Variants in CTSC observed in about 807,000 individuals in gnomAD.
The protein encoded by CTSC is dipeptidyl peptidase 1.
CTSC carries 37 observed loss-of-function variants against 40.9 expected under a neutral mutation model. The ratio of observed to expected loss-of-function variants is 0.91; its 90% CI spans 0.70 to 1.19. CTSC has a LOEUF of 1.19. Ranked by LOEUF, CTSC falls within the 50% of genes most tolerant of loss-of-function variation. CTSC has a pLI of 0.00. For missense variants in CTSC, 594 were observed against 567.3 expected (o/e 1.05, Z -0.48); for synonymous variants, 232 against 207.4 (o/e 1.12, Z -1.02).
intron 4 of CTSC, among the ~76,000 whole-genome samples, chr11:88,307,465 A>G (rs1937659644): frequency 6.6e-6 from 1 of 152,028 alleles, no homozygotes; most frequent in Non-Finnish European, 1.5e-5. Flanking sequence ...ATTATGATAT[A>G]ATTTCCCAAA....
intron 2 of CTSC, among the ~76,000 whole-genome samples, chr11:88,330,776 C>T (rs494627): frequency 0.43 from 65,948 of 152,026 alleles, 15,226 homozygotes; most frequent in Middle Eastern, 0.53. Flanking sequence ...ATATATGTAT[C>T]TCCATCCCTA....
chr11:88,310,028 A>G (rs1190192891), intron 3 of CTSC, among the ~76,000 whole-genome samples: 1 of 152,190 alleles, frequency 6.6e-6, no homozygotes, highest in East Asian at 1.9e-4. Flanking sequence ...TTATAACCAT[A>G]TGATACTAAA....
At chr11:88,320,567 T>C (rs1046669030) in intron 2 of CTSC, among the ~76,000 whole-genome samples, 1 of 152,244 alleles carries the variant, frequency 6.6e-6, no homozygotes, top group African/African-American at 2.4e-5. Flanking sequence ...TTTCCCTTGA[T>C]AGCTAATTTT....
At chr11:88,299,431 G>A (rs1356117848) in intron 5 of CTSC, 1 of 152,126 alleles carries the variant, frequency 6.6e-6, no homozygotes, top group African/African-American at 2.4e-5. Context: ...CTTTAGAGCT[G>A]AAGAGCCCAG....
intron 1 of CTSC, 86 bp downstream of exon 1, chr11:88,337,415 G>C (rs957449252): frequency 2.7e-5 from 37 of 1,349,618 alleles, no homozygotes; most frequent in Admixed American, 1.8e-4. Context: ...CGTCTGCCTG[G>C]GGGGAAGCGG....
rs1036509108 is a variant in CTSC at position 88,294,491 on chromosome 11, G to A, written c.907C>T (p.Pro303Ser). ...GCGTACTTTCCTGCAATAAGGTATG[G>A]GAAGCCGCCTTCACAGCCTGAAGAT... is the stretch of plus-strand genomic sequence containing the variant. ...QYAQGCEGGF[P>S]YLIAGKYAQD... Residue 303 changes from proline (P) to serine (S), a missense_variant, in exon 7 of 7, where the codon CCA becomes TCA. Pro to Ser is a moderately conservative substitution (Grantham distance 74). Transcript: ENST00000227266. The A allele has an allele frequency of 3.7e-6, 6 of 1,614,120 alleles. No individual in the cohort carries two copies. Among genetic ancestry groups the A allele is most frequent in the Admixed American group, 3.3e-5 (2 of 59,992 alleles).
At chr11:88,305,938 G>A (rs932504559) in intron 4 of CTSC, among the ~76,000 whole-genome samples, 3 of 152,172 alleles carry the variant, frequency 2.0e-5, no homozygotes. Context: ...CTAGGCTCAA[G>A]TGCTAACACT....
chr11:88,329,237 T>C (rs867654827), intron 2 of CTSC, among the ~76,000 whole-genome samples: 9 of 151,794 alleles, frequency 5.9e-5, no homozygotes, highest in Non-Finnish European at 1.3e-4. Flanking sequence ...ATCCCAGCAC[T>C]TGGGGAGGTC....
intron 2 of CTSC, among the ~76,000 whole-genome samples, chr11:88,318,632 G>A (rs1024094459): frequency 1.3e-5 from 2 of 152,198 alleles, no homozygotes; most frequent in African/African-American, 2.4e-5. Context: ...TTGGCCAGGC[G>A]CAGTGGCTCA....
intron 2 of CTSC, among the ~76,000 whole-genome samples, chr11:88,316,885 T>C (rs76828438): frequency 0.023 from 3,573 of 152,312 alleles, 152 homozygotes; most frequent in African/African-American, 0.081. Flanking sequence ...GCTTCCCTAT[T>C]TGTAATTTTA....
intron 2 of CTSC, chr11:88,324,977 A>G (rs1170980498): frequency 1.0e-6 from 1 of 985,268 alleles, no homozygotes; most frequent in Admixed American, 6.2e-5. Context: ...AGGATGACAA[A>G]CTACTCTCTA....
At chr11:88,327,574 C>T (rs1282311838) in intron 2 of CTSC, among the ~76,000 whole-genome samples, 1 of 152,116 alleles carries the variant, frequency 6.6e-6, no homozygotes, top group Non-Finnish European at 1.5e-5. Flanking sequence ...CTCTCCTCCT[C>T]AGTGAATAGT....
rs570783140 is a variant in CTSC, at chr11:88,325,057, T to G, written c.318+9880A>C. The G allele has an allele frequency of 4.1e-5, 40 of 984,652 alleles. No individual in the cohort carries two copies. In the South Asian group the frequency reaches 1.7e-3, roughly 43 times the overall value. 61.0% of individuals were successfully genotyped at this position (984,652 alleles called of 1,614,324 possible). A position where few individuals can be genotyped will look rare whatever the true frequency, so the allele number is the denominator to read the frequency against. ...CCACCCAGACAATATGAATTAAACATAACCCCATAATTTCAGGCTTACCAA... is the reference window on the plus strand; with the variant it reads ...CCACCCAGACAATATGAATTAAACAGAACCCCATAATTTCAGGCTTACCAA... On this transcript the variant is annotated intron_variant, in intron 2 of 6. Transcript: ENST00000227266.
chr11:88,315,446 T>C (rs1280630842), intron 2 of CTSC, among the ~76,000 whole-genome samples: 2 of 152,192 alleles, frequency 1.3e-5, no homozygotes, highest in African/African-American at 4.8e-5. Context: ...ACATTGTATA[T>C]GATAAACCTG....
rs886848439 is a variant in CTSC at position 88,321,064 on chromosome 11, C to T, written c.319-8510G>A. The T allele has an allele frequency of 7.1e-6, 7 of 982,056 alleles. No individual in the cohort carries two copies. The African/African-American group carries it at 1.2e-4, about 17-fold the overall frequency. 60.8% of individuals were successfully genotyped at this position (982,056 alleles called of 1,614,324 possible). The stretch of plus-strand genomic sequence containing the variant: ...TGAATCTTCTCTTCCATAATAAAAG[C>T]ATGTTGATGCAAAATTACTCAGATA... On this transcript the variant is annotated intron_variant, in intron 2 of 6. Coordinates refer to ENST00000227266, the MANE Select transcript of CTSC (RefSeq NM_001814.6).
intron 5 of CTSC, among the ~76,000 whole-genome samples, chr11:88,300,043 T>C (rs1419626103): frequency 6.6e-6 from 1 of 152,190 alleles, no homozygotes; most frequent in Non-Finnish European, 1.5e-5. Flanking sequence ...GTAAAGTGAA[T>C]TGAAAGGTCC....
At chr11:88,310,286 T>A (rs1937723949) in intron 3 of CTSC, among the ~76,000 whole-genome samples, 1 of 151,426 alleles carries the variant, frequency 6.6e-6, no homozygotes, top group Non-Finnish European at 1.5e-5. Context: ...TATATGTAAA[T>A]AGATTCAACA....
chr11:88,309,412 A>AG, intron 3 of CTSC, 94 bp from the exon 4 acceptor site: 1 of 1,076,430 alleles, frequency 9.3e-7, no homozygotes, highest in Non-Finnish European at 1.4e-6. Flanking sequence ...CTAAGTGGAA[A>AG]GTGGTACAAT....
chr11:88,320,943 C>G lies in CTSC; in HGVS notation c.319-8389G>C, dbSNP rs186118206. 8.1e-6 allele frequency: 8 copies of G among 982,010 alleles called. No individual in the cohort carries two copies. In the Admixed American group the frequency reaches 2.5e-4, roughly 30 times the overall value. 60.8% of individuals were successfully genotyped at this position (982,010 alleles called of 1,614,324 possible). A position where few individuals can be genotyped will look rare whatever the true frequency, so the allele number is the denominator to read the frequency against. On this transcript the variant is annotated intron_variant, in intron 2 of 6. Transcript: ENST00000227266. Reference sequence around the variant, plus strand: ...CCTTGCCCTAATGAAGTTTAAAGACCAGAGAGGAATACAAACAGGCAATTA... The same window carrying G: ...CCTTGCCCTAATGAAGTTTAAAGACGAGAGAGGAATACAAACAGGCAATTA...
Sources: allele counts gnomAD v4.1 joint callset (sites outside exome capture counted in the v4.1 genomes callset), GRCh38; gene constraint gnomAD v4.1.1; transcripts MANE v1.5; gene names NCBI Gene and HGNC (gene_info 2026-07-23, HGNC 2026-07-21).